The following PLEKHH2 variants were observed in gnomAD, a reference collection of about 807,000 sequenced individuals.
PLEKHH2 encodes the protein pleckstrin homology, MyTH4 and FERM domain containing H2, also known as pleckstrin homology domain-containing family H member 2.
Under a neutral mutation model 187.9 loss-of-function variants are expected in PLEKHH2, and 129 were observed. The ratio of observed to expected loss-of-function variants is 0.69; its 90% CI spans 0.59 to 0.79. The LOEUF is 0.79. Among genes scored for constraint, PLEKHH2 ranks in the 30% least tolerant of loss-of-function variants. The pLI, the probability that PLEKHH2 is intolerant of heterozygous loss-of-function variation, is 0.00. For missense variants in PLEKHH2, 2,076 were observed against 1,751.2 expected (o/e 1.19, Z -3.31); for synonymous variants, 686 against 605.6 (o/e 1.13, Z -1.95).
rs577972979 is a variant in PLEKHH2, at chr2:43,710,473, T to C, written c.2215-16T>C. The C allele has an allele frequency of 4.8e-5, 77 of 1,592,094 alleles. No individual in the cohort carries two copies. The South Asian group carries it at 8.5e-4, about 18-fold the overall frequency. On this transcript the variant is annotated splice_polypyrimidine_tract_variant and intron_variant, in intron 13 of 29. Coordinates refer to ENST00000282406, the MANE Select transcript of PLEKHH2 (RefSeq NM_172069.4). ...TAAAGTTAATCACTTTCCATTTGTT[T>C]TTCTGTTTCATACAGAGTGATGTAA...
intron 2 of PLEKHH2, chr2:43,676,034 T>A: frequency 6.2e-7 from 1 of 1,614,044 alleles, no homozygotes; most frequent in East Asian, 2.2e-5. Context: ...AGCTCTGCTT[T>A]GTCACAGTGT....
At chr2:43,697,425 C>A in intron 7 of PLEKHH2, 69 bp downstream of exon 7, 2 of 1,245,640 alleles carry the variant, frequency 1.6e-6, no homozygotes. Flanking sequence ...TAAGATTAAT[C>A]CAAATATAGC....
At chr2:43,712,726 T>C (rs1368779619) in intron 15 of PLEKHH2, among the ~76,000 whole-genome samples, 1 of 151,952 alleles carries the variant, frequency 6.6e-6, no homozygotes, top group Non-Finnish European at 1.5e-5. Flanking sequence ...AAGCAAACAA[T>C]GAACACCAAT....
At chr2:43,658,746 A>G (rs1306701137) in intron 2 of PLEKHH2, 5 of 152,248 alleles carry the variant, frequency 3.3e-5, no homozygotes, top group African/African-American at 1.2e-4. Context: ...TGGAAGATGC[A>G]GTGCGTCTTA....
intron 15 of PLEKHH2, among the ~76,000 whole-genome samples, chr2:43,713,163 A>G (rs1670051256): frequency 6.6e-6 from 1 of 151,990 alleles, no homozygotes; most frequent in Non-Finnish European, 1.5e-5. Context: ...TTAAAAATTT[A>G]TCCTTAGGAA....
intron 25 of PLEKHH2, among the ~76,000 whole-genome samples, chr2:43,755,552 T>C (rs540641157): frequency 1.1e-4 from 17 of 152,336 alleles, no homozygotes; most frequent in Admixed American, 2.0e-4. Context: ...ACATAACTAA[T>C]GACTCCAAAA....
At position 43,699,817 on chromosome 2, in the gene PLEKHH2, A is replaced by G; in HGVS notation, c.859A>G (p.Ser287Gly). ...QNSGAPVSDW[S>G]SDEEDGSKGR... is the part of the protein sequence containing the mutation. ...TTCTGGGGCTCCTGTGAGTGACTGG[A>G]GCTCTGATGAGGAAGACGGGAGCAA... Residue 287 changes from serine (S) to glycine (G), a missense_variant, in exon 8 of 30, where the codon AGC becomes GGC. Coordinates refer to ENST00000282406, the MANE Select transcript of PLEKHH2 (RefSeq NM_172069.4). 6.2e-7 allele frequency: 1 copy of G among 1,611,682 alleles called. No individual in the cohort carries two copies. The highest frequency in any genetic ancestry group is 8.5e-7 in the Non-Finnish European group (1 of 1,177,810).
At chr2:43,736,939 C>T (rs6753626) in intron 19 of PLEKHH2, among the ~76,000 whole-genome samples, 33,275 of 151,982 alleles carry the variant, frequency 0.22, 6,849 homozygotes, top group African/African-American at 0.54. Flanking sequence ...TGTGTATGTG[C>T]GGAAAGTACC....
At chr2:43,640,950 A>AT (rs58200065) in intron 1 of PLEKHH2, among the ~76,000 whole-genome samples, 50,624 of 115,672 alleles carry the variant, frequency 0.44, 11,509 homozygotes, top group African/African-American at 0.49. Context: ...TGCCTGGCTA[A>AT]TTTTTTTTTT....
chr2:43,646,692 CT>C (rs771538156), intron 2 of PLEKHH2, among the ~76,000 whole-genome samples: 69 of 151,996 alleles, frequency 4.5e-4, no homozygotes, highest in Admixed American at 8.5e-4. Context: ...AGTAAAATAG[CT>C]TTTTTATTAT....
chr2:43,758,539 C>A (rs1672305894), intron 26 of PLEKHH2, among the ~76,000 whole-genome samples: 1 of 152,194 alleles, frequency 6.6e-6, no homozygotes, highest in East Asian at 1.9e-4. Context: ...AGGCGTGAGC[C>A]ACTGCACCGG....
Position 43,757,149 on chromosome 2 carries a change from T to A in PLEKHH2, c.3826T>A (p.Ser1276Thr). ...GATTGGAGATTTTGAAAGACCTTTC[T>A]CAACTCCAGCAGGGCATGTTACCAA... ...VEIGDFERPF[S>T]TPAGHVTNQC... is the part of the protein sequence containing the mutation. Residue 1276 changes from serine to threonine, a missense_variant, in exon 26 of 30, where the codon TCA (serine) becomes ACA (threonine). Transcript: ENST00000282406. The A allele has an allele frequency of 6.3e-7, 1 of 1,588,846 alleles. No individual in the cohort carries two copies. Among genetic ancestry groups the A allele is most frequent in the Non-Finnish European group, 8.5e-7 (1 of 1,170,862 alleles).
chr2:43,741,433 C>A (rs1572648263), intron 21 of PLEKHH2: 1 of 154,384 alleles, frequency 6.5e-6, no homozygotes, highest in Non-Finnish European at 1.4e-5. Context: ...CATGGTCTTC[C>A]CTCCTTTTCT....
At chr2:43,715,506 A>G (rs146576197) in intron 15 of PLEKHH2, among the ~76,000 whole-genome samples, 2 of 152,190 alleles carry the variant, frequency 1.3e-5, no homozygotes, top group Non-Finnish European at 2.9e-5. Context: ...AAGATGAATC[A>G]GTGGGAGGCA....
intron 11 of PLEKHH2, 148 bp from the exon 12 acceptor site, chr2:43,709,842 G>C (rs1436932501): frequency 2.3e-6 from 2 of 865,088 alleles, no homozygotes; most frequent in Non-Finnish European, 3.4e-6. Flanking sequence ...CTCAAAAAAA[G>C]TTATTTATGG....
chr2:43,719,184 A>C (rs1238292405), intron 15 of PLEKHH2, among the ~76,000 whole-genome samples: 2 of 152,090 alleles, frequency 1.3e-5, no homozygotes. Flanking sequence ...CGAGAAAGAG[A>C]CTGTATCTTG....
rs1668856236 is a variant in PLEKHH2, at chr2:43,692,582, T to C, written c.255T>C (p.Tyr85=). The stretch of plus-strand genomic sequence containing the variant: ...CCAGTGAATCAGAGACAAGATTATA[T>C]AATAAGTGTCAAGATCTGGAGTCGC... ...IQTSESETRL[Y]NKCQDLESLI... is the part of the protein sequence containing the mutation. Residue 85 remains tyrosine (Y), a synonymous_variant, in exon 4 of 30, where the codon TAT becomes TAC. Transcript: ENST00000282406. 2 of 1,605,732 alleles carry C rather than the reference T, an allele frequency of 1.2e-6. No individual in the cohort carries two copies. Among genetic ancestry groups the C allele is most frequent in the African/African-American group, 1.3e-5 (1 of 74,674 alleles).
At chr2:43,712,811 A>G (rs1670032660) in intron 15 of PLEKHH2, among the ~76,000 whole-genome samples, 1 of 152,216 alleles carries the variant, frequency 6.6e-6, no homozygotes, top group Non-Finnish European at 1.5e-5. Flanking sequence ...CAAATGATCA[A>G]TAAGCATATG....
chr2:43,720,838 A>G lies in PLEKHH2; in HGVS notation c.2541+89A>G, dbSNP rs959781902. The stretch of plus-strand genomic sequence containing the variant: ...CCTTTTCTCTCTTCTCTTACTTTGT[A>G]AAACTTCAGAATCTTTATGAGGTTG... On this transcript the variant is annotated intron_variant, in intron 16 of 29. Coordinates refer to ENST00000282406, the MANE Select transcript of PLEKHH2 (RefSeq NM_172069.4). 13 of 1,490,048 alleles carry G rather than the reference A, an allele frequency of 8.7e-6. No individual in the cohort carries two copies. The African/African-American group carries it at 1.4e-4, about 16-fold the overall frequency. The allele number at this position is 1,490,048 out of a possible 1,614,324, so 92.3% of individuals were successfully genotyped here.
Sources: allele counts gnomAD v4.1 joint callset (sites outside exome capture counted in the v4.1 genomes callset), GRCh38; gene constraint gnomAD v4.1.1; transcripts MANE v1.5; gene names NCBI Gene and HGNC (gene_info 2026-07-23, HGNC 2026-07-21).